The following TNR variants were observed in gnomAD, a reference collection of about 807,000 sequenced individuals.
TNR encodes tenascin R.
A neutral mutation model predicts 150.4 loss-of-function variants in TNR; 45 were observed. The ratio of observed to expected loss-of-function variants is 0.30; its 90% CI spans 0.24 to 0.38. TNR has a LOEUF of 0.38. TNR is among the 10% of genes least tolerant of loss of function. TNR has a pLI of 1.00. For missense variants in TNR, 1,544 were observed against 1,759.1 expected (o/e 0.88, Z 2.19); for synonymous variants, 687 against 678.4 (o/e 1.01, Z -0.20).
intron 1 of TNR, among the ~76,000 whole-genome samples, chr1:175,593,756 G>A (rs922301403): frequency 6.6e-6 from 1 of 152,088 alleles, no homozygotes; most frequent in Admixed American, 6.5e-5. Context: ...GATGTTGTGG[G>A]TGTCTTCTGC....
chr1:175,728,641 T>A (rs1247045089), intron 1 of TNR, among the ~76,000 whole-genome samples: 1 of 152,254 alleles, frequency 6.6e-6, no homozygotes, highest in African/African-American at 2.4e-5. Flanking sequence ...TAATTCATTA[T>A]CAATCATTTA....
intron 2 of TNR, among the ~76,000 whole-genome samples, chr1:175,487,402 A>T (rs536718850): frequency 4.2e-4 from 64 of 151,160 alleles, no homozygotes; most frequent in Non-Finnish European, 8.3e-4. Context: ...GGGGTTGGGG[A>T]CCCCGGCTCT....
intron 2 of TNR, among the ~76,000 whole-genome samples, chr1:175,426,852 TA>T (rs1225021136): frequency 1.0e-4 from 7 of 68,658 alleles, no homozygotes; most frequent in African/African-American, 5.3e-4. Flanking sequence ...ATATAAAATA[TA>T]AATATATATA....
At chr1:175,630,225 C>T (rs1275896179) in intron 1 of TNR, among the ~76,000 whole-genome samples, 1 of 152,168 alleles carries the variant, frequency 6.6e-6, no homozygotes, top group Non-Finnish European at 1.5e-5. Flanking sequence ...TGAAGAGTAG[C>T]AAGGTCCCAT....
intron 1 of TNR, among the ~76,000 whole-genome samples, chr1:175,691,717 C>CT (rs1666374592): frequency 6.6e-6 from 1 of 152,162 alleles, no homozygotes; most frequent in African/African-American, 2.4e-5. Context: ...AGGTGACAGA[C>CT]AGGCAGCCTG....
chr1:175,619,768 T>C (rs1366245762), intron 1 of TNR, among the ~76,000 whole-genome samples: 1 of 152,140 alleles, frequency 6.6e-6, no homozygotes, highest in Non-Finnish European at 1.5e-5. Flanking sequence ...AGGAAATTGG[T>C]AGTAATCAAA....
At chr1:175,523,265 TG>T (rs1659716365) in intron 2 of TNR, among the ~76,000 whole-genome samples, 2 of 152,210 alleles carry the variant, frequency 1.3e-5, no homozygotes, top group Non-Finnish European at 1.5e-5. Context: ...AGTGGGGCAT[TG>T]TGGGATAACA....
At chr1:175,685,265 A>C (rs952927959) in intron 1 of TNR, among the ~76,000 whole-genome samples, 26 of 152,192 alleles carry the variant, frequency 1.7e-4, no homozygotes, top group Admixed American at 1.6e-3. Flanking sequence ...AAAAGACTTG[A>C]AACTTCACCA....
At chr1:175,335,066 C>T (rs892430812) in intron 20 of TNR, among the ~76,000 whole-genome samples, 1 of 152,128 alleles carries the variant, frequency 6.6e-6, no homozygotes, top group African/African-American at 2.4e-5. Flanking sequence ...CTCTACCTCC[C>T]TTTATCCATC....
intron 9 of TNR, among the ~76,000 whole-genome samples, chr1:175,371,640 A>G (rs1225883609): frequency 6.6e-6 from 1 of 152,226 alleles, no homozygotes; most frequent in Non-Finnish European, 1.5e-5. Flanking sequence ...AGAGTTATGC[A>G]AGTATTACTG....
chr1:175,477,864 C>T (rs1019588670), intron 2 of TNR, among the ~76,000 whole-genome samples: 1 of 152,222 alleles, frequency 6.6e-6, no homozygotes, highest in African/African-American at 2.4e-5. Flanking sequence ...CTCCCTTCCG[C>T]AGTCCTTCAG....
At chr1:175,345,175 G>C (rs1374050821) in intron 18 of TNR, among the ~76,000 whole-genome samples, 1 of 152,100 alleles carries the variant, frequency 6.6e-6, no homozygotes, top group African/African-American at 2.4e-5. Flanking sequence ...ACCAAAAAAA[G>C]AGAGAGGAAG....
intron 16 of TNR, 97 bp downstream of exon 16, chr1:175,356,222 C>T: frequency 6.6e-7 from 1 of 1,522,476 alleles, no homozygotes; most frequent in Non-Finnish European, 9.0e-7. Flanking sequence ...CTGCCCTGTC[C>T]AAAGCCTGTA....
At chr1:175,549,324 G>A (rs975619509) in intron 1 of TNR, among the ~76,000 whole-genome samples, 2 of 152,182 alleles carry the variant, frequency 1.3e-5, no homozygotes, top group Non-Finnish European at 2.9e-5. Flanking sequence ...TATTAAAAAC[G>A]GCAAGGCAAT....
At chr1:175,499,325 T>C (rs556486234) in intron 2 of TNR, among the ~76,000 whole-genome samples, 8 of 152,318 alleles carry the variant, frequency 5.3e-5, no homozygotes, top group African/African-American at 1.9e-4. Flanking sequence ...GTATTTAATA[T>C]GGGCCAGCAG....
chr1:175,365,781 A>G, intron 11 of TNR, 94 bp downstream of exon 11: 1 of 1,509,774 alleles, frequency 6.6e-7, no homozygotes, highest in South Asian at 1.3e-5. Context: ...TCCAAAGGAA[A>G]TGGAACATTG....
rs116535088 is a variant in TNR, at chr1:175,680,167, C to T, written c.-165+63059G>A. On this transcript the variant is annotated intron_variant, in intron 1 of 22. Transcript: ENST00000367674. ...AAGAAGTCATTTTGTCCCAAGAGATCGCGATGTCTCTTGAAATACAGAGCT... is the reference window on the plus strand; with the variant it reads ...AAGAAGTCATTTTGTCCCAAGAGATTGCGATGTCTCTTGAAATACAGAGCT... Among the ~76,000 whole-genome samples the T allele has an allele frequency of 5.6e-3, 859 of 152,310 alleles. 9 individuals carry two copies. The highest frequency in any genetic ancestry group is 0.018 in the African/African-American group (766 of 41,548).
intron 1 of TNR, among the ~76,000 whole-genome samples, chr1:175,641,823 T>C (rs1664670978): frequency 2.0e-5 from 3 of 152,218 alleles, no homozygotes; most frequent in African/African-American, 7.2e-5. Flanking sequence ...GAAAGCCTCA[T>C]AGCGCAGGTT....
intron 1 of TNR, among the ~76,000 whole-genome samples, chr1:175,689,232 T>A (rs1418391508): frequency 1.3e-5 from 2 of 152,148 alleles, no homozygotes; most frequent in African/African-American, 4.8e-5. Flanking sequence ...CTATGCAACA[T>A]CTTGGCCACC....
Sources: allele counts gnomAD v4.1 joint callset (sites outside exome capture counted in the v4.1 genomes callset), GRCh38; gene constraint gnomAD v4.1.1; transcripts MANE v1.5; gene names NCBI Gene and HGNC (gene_info 2026-07-23, HGNC 2026-07-21).